Variants in LUZP2 observed in about 807,000 individuals in gnomAD.
The protein encoded by LUZP2 is leucine zipper protein 2.
In LUZP2, 52 loss-of-function variants were observed where a neutral mutation model predicts 51.6. The ratio of observed to expected loss-of-function variants is 1.01; its 90% confidence interval spans 0.81 to 1.27. The LOEUF (loss-of-function observed/expected upper bound fraction) is 1.27. Among genes scored for constraint, LUZP2 ranks in the 50% most tolerant of loss-of-function variants. The pLI is 0.00. For missense variants in LUZP2, 436 were observed against 395.4 expected, an observed-to-expected ratio of 1.10 and a Z score of -0.87; for synonymous variants, 154 against 137.3, an observed-to-expected ratio of 1.12 and a Z score of -0.85.
At chr11:24,883,012 G>GA (rs963222133) in intron 5 of LUZP2, among the ~76,000 whole-genome samples, 2 of 151,432 alleles carry the variant, frequency 1.3e-5, no homozygotes, top group South Asian at 2.1e-4. Flanking sequence ...AAAGAAAAGA[G>GA]AAAAAAAGAA....
intron 5 of LUZP2, among the ~76,000 whole-genome samples, chr11:24,829,740 T>G (rs1391502866): frequency 6.6e-6 from 1 of 152,174 alleles, no homozygotes; most frequent in Non-Finnish European, 1.5e-5. Flanking sequence ...GAGAGAAACT[T>G]GAGTATGCTG....
chr11:24,962,858 T>G (rs969920148), intron 7 of LUZP2, among the ~76,000 whole-genome samples: 2 of 152,288 alleles, frequency 1.3e-5, no homozygotes, highest in South Asian at 2.1e-4. Context: ...GAGTTTCCAG[T>G]TTTTCTGCTC....
At chr11:24,914,817 A>G (rs957931527) in intron 7 of LUZP2, among the ~76,000 whole-genome samples, 1 of 152,198 alleles carries the variant, frequency 6.6e-6, no homozygotes, top group Admixed American at 6.5e-5. Context: ...AGCTGCAGAT[A>G]TTAAGCTGAG....
intron 1 of LUZP2, among the ~76,000 whole-genome samples, chr11:24,609,729 C>CAAAAAA (rs34436907): frequency 6.1e-5 from 4 of 65,912 alleles, no homozygotes; most frequent in African/African-American, 2.9e-4. Context: ...GACTCCAGCT[C>CAAAAAA]AAAAAAAAAA....
chr11:24,948,043 TC>T (rs1481009336), intron 7 of LUZP2, among the ~76,000 whole-genome samples: 1 of 151,884 alleles, frequency 6.6e-6, no homozygotes, highest in African/African-American at 2.4e-5. Context: ...CTTTTGGTAT[TC>T]CGTAATTCAT....
At chr11:25,042,008 C>T (rs903441275) in intron 9 of LUZP2, among the ~76,000 whole-genome samples, 1 of 152,160 alleles carries the variant, frequency 6.6e-6, no homozygotes, top group African/African-American at 2.4e-5. Context: ...AAATCATCGT[C>T]TCCCCATTCA....
At chr11:25,057,005 CA>C (rs1298404613) in intron 10 of LUZP2, among the ~76,000 whole-genome samples, 1 of 152,132 alleles carries the variant, frequency 6.6e-6, no homozygotes, top group Non-Finnish European at 1.5e-5. Context: ...GAGGCTGAGG[CA>C]GGACAATCAC....
At chr11:24,686,339 C>T (rs9804691) in intron 1 of LUZP2, among the ~76,000 whole-genome samples, 27,438 of 152,132 alleles carry the variant, frequency 0.18, 2,829 homozygotes, top group Admixed American at 0.26. Flanking sequence ...ACAACTAGTG[C>T]TTGGAGCATG....
intron 8 of LUZP2, among the ~76,000 whole-genome samples, chr11:24,978,358 A>C (rs1590797614): frequency 6.6e-6 from 1 of 151,824 alleles, no homozygotes; most frequent in African/African-American, 2.4e-5. Flanking sequence ...CTAAAGCTCA[A>C]GTAGGCCACC....
At chr11:24,688,813 C>A (rs923665492) in intron 1 of LUZP2, among the ~76,000 whole-genome samples, 2 of 152,070 alleles carry the variant, frequency 1.3e-5, no homozygotes, top group Admixed American at 1.3e-4. Flanking sequence ...GTCATCATAC[C>A]TCTTGGGTAC....
chr11:24,705,780 A>G (rs1255278978), intron 1 of LUZP2, among the ~76,000 whole-genome samples: 3 of 152,198 alleles, frequency 2.0e-5, no homozygotes, highest in Admixed American at 1.3e-4. Flanking sequence ...CATTTTCAAG[A>G]TTGGCTATTA....
At chr11:24,925,279 T>C (rs1854191067) in intron 7 of LUZP2, among the ~76,000 whole-genome samples, 1 of 152,156 alleles carries the variant, frequency 6.6e-6, no homozygotes, top group Non-Finnish European at 1.5e-5. Flanking sequence ...GAGGCATGTC[T>C]GACCCCCATC....
intron 1 of LUZP2, among the ~76,000 whole-genome samples, chr11:24,575,183 A>G (rs553113392): frequency 2.0e-5 from 3 of 152,270 alleles, no homozygotes; most frequent in South Asian, 4.1e-4. Context: ...GGATGGCTAT[A>G]TTTAAAAAGA....
chr11:24,867,502 T>C (rs377354089), intron 5 of LUZP2, among the ~76,000 whole-genome samples: 7 of 152,174 alleles, frequency 4.6e-5, no homozygotes, highest in African/African-American at 1.7e-4. Context: ...GCAGTTGACC[T>C]ACCCTTGCCA....
chr11:25,076,443 T>A (rs1043892737), intron 10 of LUZP2, among the ~76,000 whole-genome samples: 6 of 151,988 alleles, frequency 3.9e-5, no homozygotes, highest in African/African-American at 1.5e-4. Flanking sequence ...ATTCTTACAC[T>A]ACATATGTTG....
At chr11:25,043,055 C>T (rs1031505016) in intron 9 of LUZP2, among the ~76,000 whole-genome samples, 1 of 152,108 alleles carries the variant, frequency 6.6e-6, no homozygotes, top group African/African-American at 2.4e-5. Context: ...GGGAATAGTT[C>T]TAAGATGGCC....
chr11:24,847,310 A>G (rs935155501), intron 5 of LUZP2, among the ~76,000 whole-genome samples: 4 of 152,090 alleles, frequency 2.6e-5, no homozygotes, highest in Admixed American at 2.0e-4. Context: ...CACTCATTGC[A>G]TATAGTTGGC....
At chr11:24,508,822 C>T (rs16912643) in intron 1 of LUZP2, among the ~76,000 whole-genome samples, 15,354 of 151,954 alleles carry the variant, frequency 0.1, 1,172 homozygotes, top group African/African-American at 0.21. Context: ...GCTTGCTTTA[C>T]AAAATGAGGC....
At chr11:24,531,383 A>G (rs77069228) in intron 1 of LUZP2, among the ~76,000 whole-genome samples, 7,458 of 151,004 alleles carry the variant, frequency 0.049, 604 homozygotes, top group African/African-American at 0.17. Context: ...TAAATATCAA[A>G]TTAAGATAAT....
Sources: gnomAD v4.1 joint callset for allele counts (sites outside exome capture counted in the v4.1 genomes callset) on GRCh38, gnomAD v4.1.1 for gene constraint, MANE v1.5 for transcripts, NCBI Gene and HGNC (gene_info 2026-07-23, HGNC 2026-07-21) for gene names.